Variants in NLGN1 observed in about 807,000 individuals in gnomAD.
NLGN1 encodes the protein neuroligin-1.
In NLGN1, 12 loss-of-function variants were observed where a neutral mutation model predicts 65.5. The ratio of observed to expected loss-of-function variants is 0.18; its 90% confidence interval spans 0.12 to 0.30. The LOEUF (loss-of-function observed/expected upper bound fraction) is 0.30. Among genes scored for constraint, NLGN1 ranks in the 10% least tolerant of loss-of-function variants. The pLI, the probability that NLGN1 is intolerant of heterozygous loss-of-function variation, is 1.00. For synonymous variants in NLGN1, 350 were observed against 359.5 expected, an observed-to-expected ratio of 0.97 and a Z score of 0.30; for missense variants, 750 against 1,007.1, an observed-to-expected ratio of 0.74 and a Z score of 3.46.
chr3:174,001,291 A>G (rs1723243713), intron 4 of NLGN1, among the ~76,000 whole-genome samples: 1 of 152,036 alleles, frequency 6.6e-6, no homozygotes, highest in Non-Finnish European at 1.5e-5. Flanking sequence ...CGAGAGGGAG[A>G]TTAAATGACA....
intron 4 of NLGN1, among the ~76,000 whole-genome samples, chr3:173,993,116 A>AT (rs1291527121): frequency 6.6e-6 from 1 of 152,116 alleles, no homozygotes; most frequent in Non-Finnish European, 1.5e-5. Context: ...CATTTTCATT[A>AT]TTTTTTTATG....
At chr3:173,830,538 A>G (rs1322439284) in intron 4 of NLGN1, among the ~76,000 whole-genome samples, 1 of 152,182 alleles carries the variant, frequency 6.6e-6, no homozygotes, top group Non-Finnish European at 1.5e-5. Flanking sequence ...TTTGGGACAC[A>G]TGGTTGCTTT....
At chr3:173,414,763 T>C (rs1360590565) in intron 1 of NLGN1, among the ~76,000 whole-genome samples, 1 of 152,112 alleles carries the variant, frequency 6.6e-6, no homozygotes, top group East Asian at 1.9e-4. Flanking sequence ...CATCTCACTT[T>C]GGAAATCAGA....
At chr3:173,581,472 G>A (rs1746385460) in intron 2 of NLGN1, among the ~76,000 whole-genome samples, 1 of 152,002 alleles carries the variant, frequency 6.6e-6, no homozygotes, top group Middle Eastern at 3.4e-3. Flanking sequence ...TTGATTGACT[G>A]TTTCACAATT....
At chr3:173,931,625 G>A (rs1403973764) in intron 4 of NLGN1, among the ~76,000 whole-genome samples, 4 of 152,094 alleles carry the variant, frequency 2.6e-5, no homozygotes, top group African/African-American at 9.7e-5. Flanking sequence ...GAGAGAAAGA[G>A]TGAGTAGAAA....
intron 4 of NLGN1, among the ~76,000 whole-genome samples, chr3:173,851,097 C>T (rs1412724630): frequency 5.9e-5 from 9 of 152,058 alleles, no homozygotes; most frequent in Admixed American, 5.9e-4. Context: ...TATTTAGTTT[C>T]ATAATATGGT....
chr3:173,946,708 T>G (rs941840471), intron 4 of NLGN1, among the ~76,000 whole-genome samples: 2 of 152,236 alleles, frequency 1.3e-5, no homozygotes, highest in African/African-American at 4.8e-5. Context: ...TAGCAGAGAA[T>G]GAAAGTCTCT....
chr3:174,157,083 C>A (rs1484194107), intron 4 of NLGN1, among the ~76,000 whole-genome samples: 1 of 151,276 alleles, frequency 6.6e-6, no homozygotes, highest in Admixed American at 6.6e-5. Flanking sequence ...ACATATTACA[C>A]TAATGCAAGA....
At chr3:173,798,751 A>T (rs979789898) in intron 3 of NLGN1, among the ~76,000 whole-genome samples, 1 of 152,026 alleles carries the variant, frequency 6.6e-6, no homozygotes, top group Non-Finnish European at 1.5e-5. Flanking sequence ...TGAAACCGTG[A>T]CCTTTCAATT....
At chr3:173,644,236 A>G (rs978714618) in intron 3 of NLGN1, 3 of 152,988 alleles carry the variant, frequency 2.0e-5, no homozygotes, top group African/African-American at 7.2e-5. Flanking sequence ...GCACCTTGGC[A>G]TCTGCCTGGC....
intron 4 of NLGN1, among the ~76,000 whole-genome samples, chr3:173,842,119 GA>G (rs1427596924): frequency 6.6e-6 from 1 of 152,158 alleles, no homozygotes. Flanking sequence ...CAGGCAAAAA[GA>G]AGAGCTAGTG....
intron 2 of NLGN1, among the ~76,000 whole-genome samples, chr3:173,564,959 A>C (rs370873740): frequency 1.3e-5 from 2 of 152,192 alleles, no homozygotes; most frequent in East Asian, 3.9e-4. Context: ...AGTGATAAGC[A>C]AAACTCCTAT....
intron 2 of NLGN1, among the ~76,000 whole-genome samples, chr3:173,563,623 A>T (rs1743144650): frequency 1.3e-5 from 2 of 152,218 alleles, no homozygotes; most frequent in Non-Finnish European, 2.9e-5. Flanking sequence ...TGACATCTTT[A>T]AAAATGTGAT....
intron 2 of NLGN1, among the ~76,000 whole-genome samples, chr3:173,577,968 C>T (rs572418423): frequency 1.5e-3 from 225 of 152,080 alleles, no homozygotes; most frequent in African/African-American, 5.0e-3. Flanking sequence ...CGGATGCGGT[C>T]GCTCACGCCT....
intron 3 of NLGN1, among the ~76,000 whole-genome samples, chr3:173,680,969 A>G (rs141092435): frequency 6.6e-6 from 1 of 152,272 alleles, no homozygotes; most frequent in African/African-American, 2.4e-5. Context: ...TTAAAACCCT[A>G]TAATAATTAA....
intron 4 of NLGN1, among the ~76,000 whole-genome samples, chr3:173,984,083 C>T (rs1427760133): frequency 6.6e-6 from 1 of 152,028 alleles, no homozygotes. Flanking sequence ...AATGTGATGC[C>T]CCAGGTGATT....
chr3:173,402,429 T>C (rs1208577568), intron 1 of NLGN1, among the ~76,000 whole-genome samples: 1 of 152,148 alleles, frequency 6.6e-6, no homozygotes, highest in African/African-American at 2.4e-5. Context: ...TATAGAAATA[T>C]AAAAGATGGT....
At chr3:174,246,363 G>T (rs1488024812) in intron 4 of NLGN1, among the ~76,000 whole-genome samples, 2 of 152,018 alleles carry the variant, frequency 1.3e-5, no homozygotes, top group Non-Finnish European at 1.5e-5. Flanking sequence ...CAAGATTTTT[G>T]AGAAGAATAG....
intron 4 of NLGN1, among the ~76,000 whole-genome samples, chr3:173,947,710 T>A (rs1036491145): frequency 1.3e-5 from 2 of 152,170 alleles, no homozygotes; most frequent in Non-Finnish European, 2.9e-5. Context: ...TTTAGCTTAA[T>A]AAAATTAAAG....
Sources: gnomAD v4.1 joint callset for allele counts (sites outside exome capture counted in the v4.1 genomes callset) on GRCh38, gnomAD v4.1.1 for gene constraint, MANE v1.5 for transcripts, NCBI Gene and HGNC (gene_info 2026-07-23, HGNC 2026-07-21) for gene names.